Variants in PBXIP1 observed in about 807,000 individuals in gnomAD.
The protein encoded by PBXIP1 is pre-B-cell leukemia transcription factor-interacting protein 1.
A neutral mutation model predicts 73.7 loss-of-function variants in PBXIP1; 73 were observed. The ratio of observed to expected loss-of-function variants is 0.99; its 90% CI spans 0.82 to 1.20. The LOEUF is 1.20. Among genes scored for constraint, PBXIP1 ranks in the 50% most tolerant of loss-of-function variants. PBXIP1 has a pLI of 0.00. For missense variants in PBXIP1, 818 were observed against 911.4 expected, an observed-to-expected ratio of 0.90 and a Z score of 1.32; for synonymous variants, 330 against 366.9, an observed-to-expected ratio of 0.90 and a Z score of 1.15.
At position 154,947,811 on chromosome 1, in the gene PBXIP1, C is replaced by T. The variant is rs942035885; in HGVS notation, c.668-99G>A. The T allele has an allele frequency of 6.3e-6, 9 of 1,419,492 alleles. No individual in the cohort carries two copies. In the African/African-American group the frequency reaches 9.9e-5, roughly 16 times the overall value. The allele number at this position is 1,419,492 out of a possible 1,614,324, so 87.9% of individuals were successfully genotyped here. On this transcript the variant is annotated intron_variant, in intron 7 of 10. Coordinates refer to ENST00000368463, the MANE Select transcript of PBXIP1 (RefSeq NM_020524.4). Reference sequence around the variant, plus strand: ...ACAGCCACCACTCCTGCTCAGGACCCACCCTGTGGCTGAGCGGTTTGGTGA... The same window carrying T: ...ACAGCCACCACTCCTGCTCAGGACCTACCCTGTGGCTGAGCGGTTTGGTGA...
At chr1:154,952,071 G>GTTTTTT in intron 2 of PBXIP1, 150 bp from the exon 3 acceptor site, 3 of 790,070 alleles carry the variant, frequency 3.8e-6, no homozygotes, top group Admixed American at 6.4e-5. Context: ...CACTCACTGC[G>GTTTTTT]AGGAGGAACT....
rs757398429 is a variant in PBXIP1 at position 154,951,898 on chromosome 1, G to A, written c.75C>T (p.Gly25=). ...GSESLPVETL[G]PASRMDPESE... ...ATTCTGGGTCCATCCTGGATGCCGG[G>A]CCCAGTGTCTCCACTGGCAGGCTCT... Residue 25 remains glycine, a synonymous_variant, in exon 3 of 11, where the codon GGC becomes GGT. Coordinates refer to ENST00000368463, the MANE Select transcript of PBXIP1 (RefSeq NM_020524.4). This position sits in a 1 kb window ranked among gnomAD's most constrained non-coding sequence, Gnocchi z 4.3. 6 of 1,611,820 alleles carry A rather than the reference G, an allele frequency of 3.7e-6. No homozygotes were observed. The South Asian group carries it at 4.4e-5, about 12-fold the overall frequency.
At chr1:154,948,478 C>A in intron 5 of PBXIP1, 112 bp from the exon 6 acceptor site, 1 of 714,896 alleles carries the variant, frequency 1.4e-6, no homozygotes, top group South Asian at 1.9e-5. Context: ...GCCCTGACCC[C>A]AGAGAGGGGC....
In PBXIP1 at chr1:154,946,671, G is replaced by A. The variant is rs576190334; in HGVS notation, c.1003C>T (p.Arg335Trp). Residue 335 changes from arginine (R) to tryptophan (W), a missense_variant, in exon 10 of 11, where the codon CGG (arginine) becomes TGG (tryptophan). Coordinates refer to ENST00000368463, the MANE Select transcript of PBXIP1 (RefSeq NM_020524.4). ...RALESELQQL[R>W]ARLQGLEADC... The stretch of plus-strand genomic sequence containing the variant: ...GCCTCCAGCCCCTGGAGCCGGGCCC[G>A]CAGCTGCTGCAGCTCTGACTCCAGA... The A allele has an allele frequency of 1.9e-4, 303 of 1,612,728 alleles. 4 individuals are homozygous for A. The South Asian group carries it at 3.0e-3, about 16-fold the overall frequency.
At position 154,946,731 on chromosome 1, in the gene PBXIP1, C is replaced by T. The variant is rs778989120; in HGVS notation, c.943G>A (p.Gly315Arg). Residue 315 changes from glycine to arginine, a missense_variant, in exon 10 of 11, where the codon GGG becomes AGG. By Grantham distance (125) the Gly-to-Arg change is moderately radical. Transcript: ENST00000368463. ...AAGGCTTCGCCCTGCTGCAGAGCCCCCCGGAGCTGGGCATTCTCCTCCTCT... is the reference window on the plus strand; with the variant it reads ...AAGGCTTCGCCCTGCTGCAGAGCCCTCCGGAGCTGGGCATTCTCCTCCTCT... The part of the protein sequence containing the change: ...GLEEENAQLR[G>R]ALQQGEAFQR... The T allele has an allele frequency of 2.5e-6, 4 of 1,604,854 alleles. No homozygotes were observed. In the South Asian group the frequency reaches 4.4e-5, roughly 18 times the overall value.
Position 154,944,977 on chromosome 1 carries a change from G to C in PBXIP1, c.*47C>G, listed in dbSNP as rs1368282621. On this transcript the variant is annotated 3_prime_UTR_variant, in exon 11 of 11. Transcript: ENST00000368463. The stretch of plus-strand genomic sequence containing the variant: ...CCCTCCAGGAGTTAGATAACGCTGG[G>C]ATCTTGGGCTGGGCCAGGCCAAGGC... 1.4e-6 allele frequency: 2 copies of C among 1,475,064 alleles called. No individual in the cohort carries two copies. Among genetic ancestry groups the C allele is most frequent in the Admixed American group, 1.7e-5 (1 of 59,516 alleles). The allele number at this position is 1,475,064 out of a possible 1,614,324, so 91.4% of individuals were successfully genotyped here.
In PBXIP1 at chr1:154,951,572, C is replaced by T; in HGVS notation, c.179-37G>A. 9.4e-6 allele frequency: 15 copies of T among 1,598,230 alleles called. No homozygotes were observed. Among genetic ancestry groups the T allele is most frequent in the Non-Finnish European group, 1.3e-5 (15 of 1,166,210 alleles). On this transcript the variant is annotated intron_variant, in intron 3 of 10. Coordinates refer to ENST00000368463, the MANE Select transcript of PBXIP1 (RefSeq NM_020524.4). This position sits in a 1 kb window ranked among gnomAD's most constrained non-coding sequence, Gnocchi z 4.3. ...GAAAAGGCGCAGAAAAACCCACTGC[C>T]CCAGCTGAATTTCCTTTGCAGCCCT...
intron 5 of PBXIP1, among the ~76,000 whole-genome samples, chr1:154,949,500 A>C (rs141023856): frequency 6.6e-6 from 1 of 151,990 alleles, no homozygotes; most frequent in Admixed American, 6.6e-5. Flanking sequence ...GGGATCCCCA[A>C]ATTCCATCCT....
chr1:154,946,666 G>A lies in PBXIP1; in HGVS notation c.1008C>T (p.Ala336=). The stretch of plus-strand genomic sequence containing the variant: ...AGTCGGCCTCCAGCCCCTGGAGCCG[G>A]GCCCGCAGCTGCTGCAGCTCTGACT... The part of the protein sequence containing the change: ...ALESELQQLR[A]RLQGLEADCV... Residue 336 remains alanine (A), a synonymous_variant, in exon 10 of 11, where the codon GCC becomes GCT. Transcript: ENST00000368463. 1 of 1,612,782 alleles carries A rather than the reference G, an allele frequency of 6.2e-7. No homozygotes were observed. The highest frequency in any genetic ancestry group is 1.1e-5 in the South Asian group (1 of 91,028).
chr1:154,952,247 T>A (rs376663108), intron 2 of PBXIP1, among the ~76,000 whole-genome samples: 1 of 152,100 alleles, frequency 6.6e-6, no homozygotes, highest in East Asian at 1.9e-4. Flanking sequence ...CCAGATATTA[T>A]AATATTAAGG....
At chr1:154,954,481 C>T (rs1177708322) in intron 1 of PBXIP1, among the ~76,000 whole-genome samples, 4 of 152,230 alleles carry the variant, frequency 2.6e-5, no homozygotes, top group Admixed American at 6.5e-5. Context: ...TTATAAGTCT[C>T]CTCATCACTC....
At chr1:154,955,972 A>T (rs964143931) in intron 1 of PBXIP1, 97 bp downstream of exon 1, 4 of 152,354 alleles carry the variant, frequency 2.6e-5, no homozygotes, top group African/African-American at 9.7e-5. Context: ...AGAAATGAAA[A>T]GCAGCTCATT....
At chr1:154,946,834 C>A (rs764464938) in intron 9 of PBXIP1, 31 bp from the exon 10 acceptor site, 11 of 1,508,426 alleles carry the variant, frequency 7.3e-6, no homozygotes, top group Non-Finnish European at 9.7e-6. Flanking sequence ...AAGGAAGTCA[C>A]AAAGAGTTCT....
chr1:154,953,705 T>C lies in PBXIP1; in HGVS notation c.17A>G (p.Asp6Gly). ...AGCAAGCACCCAGCTATTATCAGAG[T>C]CTGGGCAGGAGGCCATAGTTGCTGA... MASCPDSDNSWVLAGS... is the reference protein window; with the variant it reads MASCPGSDNSWVLAGS... The change falls in exon 2 of 11, where the codon GAC becomes GGC. Residue 6 changes from aspartate to glycine, a missense_variant. Physicochemically the swap from Asp to Gly is moderately conservative, Grantham distance 94. Coordinates refer to ENST00000368463, the MANE Select transcript of PBXIP1 (RefSeq NM_020524.4). 1 of 1,612,438 alleles carries C rather than the reference T, an allele frequency of 6.2e-7. No homozygotes were observed. The highest frequency in any genetic ancestry group is 8.5e-7 in the Non-Finnish European group (1 of 1,179,398).
chr1:154,945,172 C>T, intron 10 of PBXIP1, 55 bp from the exon 11 acceptor site: 1 of 1,373,082 alleles, frequency 7.3e-7, no homozygotes, highest in Non-Finnish European at 1.0e-6. Context: ...AAACGGGTTC[C>T]CCAAGGAGAG....
intron 1 of PBXIP1, among the ~76,000 whole-genome samples, chr1:154,954,254 C>T (rs1253391457): frequency 6.6e-6 from 1 of 152,230 alleles, no homozygotes; most frequent in East Asian, 1.9e-4. Context: ...TCCTTCAGCC[C>T]TAAGTGTCCC....
At chr1:154,952,588 A>G (rs977865469) in intron 2 of PBXIP1, among the ~76,000 whole-genome samples, 1 of 152,066 alleles carries the variant, frequency 6.6e-6, no homozygotes, top group Non-Finnish European at 1.5e-5. Flanking sequence ...GGCTCCAACT[A>G]TCCCTCTGAG....
Position 154,946,517 on chromosome 1 carries a change from T to A in PBXIP1, c.1157A>T (p.Gln386Leu). ...PELSFLKQKE[Q>L]LEAEAQALRQ... ...TAATGCCTGTGCCTCAGCCTCCAGC[T>A]GTTCCTTCTGCTTCAGGAAGCTGAG... is the stretch of plus-strand genomic sequence containing the variant. Residue 386 changes from glutamine (Q) to leucine (L), a missense_variant, in exon 10 of 11, where the codon CAG becomes CTG. Transcript: ENST00000368463. 1 of 1,610,690 alleles carries A rather than the reference T, an allele frequency of 6.2e-7. No individual in the cohort carries two copies.
At chr1:154,948,452 G>C (rs1216364892) in intron 5 of PBXIP1, 86 bp from the exon 6 acceptor site, 1 of 1,008,916 alleles carries the variant, frequency 9.9e-7, no homozygotes, top group Non-Finnish European at 1.4e-6. Flanking sequence ...GGAAGGCACA[G>C]GGAGGGAGGT....
Sources: gnomAD v4.1 joint callset for allele counts (sites outside exome capture counted in the v4.1 genomes callset) on GRCh38, gnomAD v4.1.1 for gene constraint, Gnocchi (gnomAD v3.1) non-coding constraint, MANE v1.5 for transcripts, NCBI Gene and HGNC (gene_info 2026-07-23, HGNC 2026-07-21) for gene names.